The following OXR1 variants were observed in gnomAD, a reference collection of about 807,000 sequenced individuals.
OXR1 encodes the protein oxidation resistance protein 1.
Under a neutral mutation model 104.6 loss-of-function variants are expected in OXR1, and 41 were observed. The ratio of observed to expected loss-of-function variants is 0.39; its 90% CI spans 0.31 to 0.51. OXR1 has a LOEUF of 0.51. OXR1 is among the 20% of genes least tolerant of loss of function. The pLI is 0.77. For missense variants in OXR1, 955 were observed against 1,031.9 expected (o/e 0.93, Z 1.02); for synonymous variants, 348 against 348.4 (o/e 1.00, Z 0.01).
At chr8:106,746,797 G>T (rs1038534843) in intron 16 of OXR1, among the ~76,000 whole-genome samples, 1 of 152,084 alleles carries the variant, frequency 6.6e-6, no homozygotes, top group Non-Finnish European at 1.5e-5. Flanking sequence ...CCTTTTGGGG[G>T]GGGTATCATT....
rs184536580 is a variant in OXR1 at position 106,681,214 on chromosome 8, A to G, written c.303+1922A>G. Among the ~76,000 whole-genome samples, 4 of 152,322 alleles carry G rather than the reference A, an allele frequency of 2.6e-5. No homozygotes were observed. The East Asian group carries it at 7.7e-4, about 29-fold the overall frequency. On this transcript the variant is annotated intron_variant, in intron 4 of 16. Transcript: ENST00000517566. ...ATGTGTTATTATTAATTATGAAAGT[A>G]CTTGGTAAACTTACAGATTTTACTG...
chr8:106,590,113 A>T (rs2130689089), intron 3 of OXR1, among the ~76,000 whole-genome samples: 1 of 152,358 alleles, frequency 6.6e-6, no homozygotes, highest in Middle Eastern at 3.4e-3. Context: ...GCAGTTTGGC[A>T]CCTAAGAGTA....
chr8:106,675,006 G>C (rs1326243162), intron 3 of OXR1, among the ~76,000 whole-genome samples: 1 of 152,126 alleles, frequency 6.6e-6, no homozygotes, highest in East Asian at 1.9e-4. Context: ...GAAATGTTGA[G>C]AGTAGAAAGA....
At chr8:106,526,685 G>T (rs957591495) in intron 3 of OXR1, among the ~76,000 whole-genome samples, 1 of 152,176 alleles carries the variant, frequency 6.6e-6, no homozygotes, top group Admixed American at 6.5e-5. Context: ...TGGGACTACA[G>T]GCGTCCGCCA....
At chr8:106,715,343 A>G (rs1054680782) in intron 11 of OXR1, among the ~76,000 whole-genome samples, 5 of 150,840 alleles carry the variant, frequency 3.3e-5, no homozygotes, top group African/African-American at 1.2e-4. Context: ...CGTTCTGGGG[A>G]TGTTCTATAT....
At chr8:106,287,778 G>T (rs935686166) in intron 1 of OXR1, among the ~76,000 whole-genome samples, 6 of 152,112 alleles carry the variant, frequency 3.9e-5, no homozygotes, top group Admixed American at 3.9e-4. Context: ...TCTGACCTTT[G>T]TATCTATAAG....
At chr8:106,720,358 G>A (rs1196321946) in intron 11 of OXR1, among the ~76,000 whole-genome samples, 1 of 152,096 alleles carries the variant, frequency 6.6e-6, no homozygotes, top group Non-Finnish European at 1.5e-5. Flanking sequence ...GTGCAGTCAA[G>A]GTGCGAAAAC....
intron 3 of OXR1, among the ~76,000 whole-genome samples, chr8:106,644,339 A>C (rs1823899863): frequency 6.6e-6 from 1 of 152,252 alleles, no homozygotes; most frequent in Non-Finnish European, 1.5e-5. Context: ...GATCTTTAGC[A>C]TATTAATATA....
intron 3 of OXR1, among the ~76,000 whole-genome samples, chr8:106,554,308 A>G (rs974624217): frequency 6.6e-5 from 10 of 152,234 alleles, no homozygotes; most frequent in Non-Finnish European, 4.4e-5. Context: ...AAGGACACTT[A>G]CAAAATAGCC....
intron 3 of OXR1, among the ~76,000 whole-genome samples, chr8:106,534,257 T>A (rs912833003): frequency 6.6e-6 from 1 of 152,196 alleles, no homozygotes; most frequent in African/African-American, 2.4e-5. Flanking sequence ...AAGGCTTTCA[T>A]CATCGAACAG....
At chr8:106,363,655 G>A (rs1160586359) in intron 2 of OXR1, among the ~76,000 whole-genome samples, 1 of 151,910 alleles carries the variant, frequency 6.6e-6, no homozygotes, top group Non-Finnish European at 1.5e-5. Context: ...CCATTTGGTG[G>A]ATATAGAGCC....
intron 2 of OXR1, among the ~76,000 whole-genome samples, chr8:106,372,667 T>C (rs747680183): frequency 6.6e-5 from 10 of 152,202 alleles, no homozygotes; most frequent in Non-Finnish European, 1.3e-4. Flanking sequence ...TAAAATTATC[T>C]CCAGGCCATG....
chr8:106,330,356 A>G (rs1447227268), intron 1 of OXR1, among the ~76,000 whole-genome samples: 2 of 152,216 alleles, frequency 1.3e-5, no homozygotes, highest in Non-Finnish European at 2.9e-5. Context: ...CCCTAGTGTC[A>G]GGGATATTCT....
chr8:106,283,203 A>G (rs1411207217), intron 1 of OXR1, among the ~76,000 whole-genome samples: 1 of 152,194 alleles, frequency 6.6e-6, no homozygotes, highest in Non-Finnish European at 1.5e-5. Flanking sequence ...GAGCATCTGT[A>G]GATTCTCTGT....
chr8:106,421,188 C>T (rs373737663), intron 2 of OXR1, among the ~76,000 whole-genome samples: 7 of 152,184 alleles, frequency 4.6e-5, no homozygotes, highest in East Asian at 1.9e-4. Context: ...TTGTGTCCCC[C>T]GGCCCCTACA....
Position 106,428,144 on chromosome 8 carries a change from T to C in OXR1, c.23+68508T>C, listed in dbSNP as rs532096929. ...TATTTTCCTCACATAAGAAGAAATCTAGAACTGGGAAGCACAGGGATACCA... is the reference window on the plus strand; with the variant it reads ...TATTTTCCTCACATAAGAAGAAATCCAGAACTGGGAAGCACAGGGATACCA... On this transcript the variant is annotated intron_variant, in intron 2 of 16. Coordinates refer to ENST00000517566, the MANE Select transcript of OXR1 (RefSeq NM_001198533.2). Among the ~76,000 whole-genome samples the C allele has an allele frequency of 7.9e-5, 12 of 152,308 alleles. No individual in the cohort carries two copies. The East Asian group carries it at 2.1e-3, about 27-fold the overall frequency.
At chr8:106,399,689 A>G (rs1420287734) in intron 2 of OXR1, among the ~76,000 whole-genome samples, 1 of 152,196 alleles carries the variant, frequency 6.6e-6, no homozygotes, top group Non-Finnish European at 1.5e-5. Flanking sequence ...TTAACCAAAC[A>G]GATGTAACAC....
In OXR1 at chr8:106,702,940, A is replaced by G; in HGVS notation, c.710A>G (p.Asn237Ser). ...TVSGVLLVTP[N>S]NIMFDPHKND... ...AGTGGTGTGCTGCTAGTTACACCAA[A>G]TAATATAATGTTTGATCCACATAAA... Residue 237 changes from asparagine (N) to serine (S), a missense_variant, in exon 8 of 17, where the codon AAT becomes AGT. This residue lies in a region of OXR1 where 849 missense variants were observed against 852.9 expected (regional missense o/e 1.00). Coordinates refer to ENST00000517566, the MANE Select transcript of OXR1 (RefSeq NM_001198533.2). The G allele has an allele frequency of 6.2e-7, 1 of 1,613,836 alleles. No individual in the cohort carries two copies. The highest frequency in any genetic ancestry group is 8.5e-7 in the Non-Finnish European group (1 of 1,179,804).
chr8:106,706,311 T>TG, intron 8 of OXR1, 71 bp from the exon 9 acceptor site: 1 of 1,026,230 alleles, frequency 9.7e-7, no homozygotes. Flanking sequence ...ACTAATTCTG[T>TG]GTTCAGTGTG....
Sources: allele counts gnomAD v4.1 joint callset (sites outside exome capture counted in the v4.1 genomes callset), GRCh38; gene constraint gnomAD v4.1.1; regional missense constraint gnomAD v4.1.1; transcripts MANE v1.5; gene names NCBI Gene and HGNC (gene_info 2026-07-23, HGNC 2026-07-21).